The following SMC1B variants were observed in gnomAD, a reference collection of about 807,000 sequenced individuals.
SMC1B encodes the protein structural maintenance of chromosomes protein 1B.
Under a neutral mutation model 157.9 loss-of-function variants are expected in SMC1B, and 60 were observed. That is an observed-to-expected ratio of 0.38 (90% confidence interval 0.31 to 0.47). The LOEUF (loss-of-function observed/expected upper bound fraction) is 0.47. SMC1B is among the 20% of genes least tolerant of loss of function. SMC1B has a pLI of 0.99. For missense variants in SMC1B, 1,165 were observed against 1,426.2 expected (o/e 0.82, Z 2.95); for synonymous variants, 445 against 483.0 (o/e 0.92, Z 1.03).
At chr22:45,351,843 G>T (rs1318049265) in intron 22 of SMC1B, among the ~76,000 whole-genome samples, 1 of 152,198 alleles carries the variant, frequency 6.6e-6, no homozygotes, top group Middle Eastern at 3.4e-3. Context: ...ATAACTTTTT[G>T]TTTCTTGATT....
chr22:45,404,229 G>A (rs953565061), intron 4 of SMC1B, among the ~76,000 whole-genome samples: 12 of 119,378 alleles, frequency 1.0e-4, no homozygotes, highest in African/African-American at 3.3e-4. Context: ...GGCATGAGGC[G>A]CCATGCCTGG....
At chr22:45,352,682 C>CT in intron 21 of SMC1B, 80 bp from the exon 22 acceptor site, 1 of 1,367,058 alleles carries the variant, frequency 7.3e-7, no homozygotes, top group African/African-American at 1.5e-5. Flanking sequence ...GCAAAATATT[C>CT]TATTGGTTAG....
chr22:45,353,099 T>C (rs2086630596), intron 21 of SMC1B, among the ~76,000 whole-genome samples: 1 of 151,920 alleles, frequency 6.6e-6, no homozygotes, highest in Non-Finnish European at 1.5e-5. Context: ...GGTGAAACCC[T>C]GTCTCTACAA....
intron 23 of SMC1B, among the ~76,000 whole-genome samples, chr22:45,346,965 C>T (rs1309683894): frequency 1.3e-5 from 2 of 152,204 alleles, no homozygotes; most frequent in African/African-American, 4.8e-5. Context: ...GAAGTAAGAC[C>T]TAGTACCTGG....
At chr22:45,389,927 A>G in intron 9 of SMC1B, 30 bp from the exon 10 acceptor site, 13 of 1,561,910 alleles carry the variant, frequency 8.3e-6, no homozygotes, top group Non-Finnish European at 1.1e-5. Context: ...GGAGAGAAAA[A>G]CAGATATATT....
intron 6 of SMC1B, 75 bp downstream of exon 6, chr22:45,399,020 T>G (rs2087160032): frequency 7.0e-7 from 1 of 1,432,802 alleles, no homozygotes; most frequent in African/African-American, 1.4e-5. Flanking sequence ...AGAGGTCATC[T>G]TTTAAATTTT....
intron 21 of SMC1B, 57 bp downstream of exon 21, chr22:45,353,921 C>CAA (rs1184241879): frequency 2.5e-6 from 1 of 398,660 alleles, no homozygotes; most frequent in Non-Finnish European, 3.7e-6. Context: ...AAAAAAAAAA[C>CAA]AACCACCACC....
Position 45,349,681 on chromosome 22 carries a change from T to C in SMC1B, c.3495+47A>G, listed in dbSNP as rs578234755. On this transcript the variant is annotated intron_variant, in intron 23 of 24. Coordinates refer to ENST00000357450, the MANE Select transcript of SMC1B (RefSeq NM_148674.5). ...ATTTTCCATTGCTTGCCTCACATGATCCTTGAATTGTAGACAGTCTATTGA... is the reference window on the plus strand; with the variant it reads ...ATTTTCCATTGCTTGCCTCACATGACCCTTGAATTGTAGACAGTCTATTGA... 3.3e-6 allele frequency: 5 copies of C among 1,525,824 alleles called. No individual in the cohort carries two copies. In the African/African-American group the frequency reaches 4.1e-5, roughly 13 times the overall value. 94.5% of individuals were successfully genotyped at this position (1,525,824 alleles called of 1,614,324 possible). A position where few individuals can be genotyped will look rare whatever the true frequency, so the allele number is the denominator to read the frequency against.
chr22:45,354,074 T>C lies in SMC1B; in HGVS notation c.3177A>G (p.Lys1059=). 1 of 1,603,630 alleles carries C rather than the reference T, an allele frequency of 6.2e-7. No homozygotes were observed. Among genetic ancestry groups the C allele is most frequent in the Non-Finnish European group, 8.5e-7 (1 of 1,176,264 alleles). ...RLCRQEFEQV[K]KRRYDLFTQC... ...GGGTGAAAAGATCGTATCTCCTTTT[T>C]TTCACTTGCTCGAACTCTTGCCTAC... The change falls in exon 21 of 25, where the codon AAA becomes AAG. Residue 1059 remains lysine (K), a synonymous_variant. Coordinates refer to ENST00000357450, the MANE Select transcript of SMC1B (RefSeq NM_148674.5).
intron 1 of SMC1B, among the ~76,000 whole-genome samples, chr22:45,410,894 G>A (rs1192145106): frequency 6.6e-6 from 1 of 152,052 alleles, no homozygotes; most frequent in Non-Finnish European, 1.5e-5. Context: ...GGTATGAAAC[G>A]GCTTTTTTGG....
chr22:45,382,995 T>C (rs2086951594), intron 12 of SMC1B, among the ~76,000 whole-genome samples: 2 of 152,050 alleles, frequency 1.3e-5, no homozygotes, highest in African/African-American at 4.8e-5. Flanking sequence ...TAGCTGGGCA[T>C]GGTGGCACAT....
chr22:45,405,911 A>G (rs2087254133), intron 4 of SMC1B, among the ~76,000 whole-genome samples: 1 of 152,252 alleles, frequency 6.6e-6, no homozygotes, highest in South Asian at 2.1e-4. Context: ...GCTGTCTTTT[A>G]TCAAGCTAGA....
intron 12 of SMC1B, among the ~76,000 whole-genome samples, chr22:45,376,806 T>C (rs921557736): frequency 6.6e-6 from 1 of 152,190 alleles, no homozygotes; most frequent in Non-Finnish European, 1.5e-5. Context: ...ATGGCTTTGA[T>C]CCTCATGTTT....
At chr22:45,353,858 G>C (rs1348912991) in intron 21 of SMC1B, 120 bp downstream of exon 21, 1 of 777,808 alleles carries the variant, frequency 1.3e-6, no homozygotes, top group Non-Finnish European at 1.9e-6. Context: ...CCATGAGTGA[G>C]TTGCTCAAAT....
At chr22:45,348,878 A>T (rs923367225) in intron 23 of SMC1B, among the ~76,000 whole-genome samples, 8 of 151,430 alleles carry the variant, frequency 5.3e-5, no homozygotes, top group African/African-American at 1.2e-4. Flanking sequence ...ATTTTTTTAA[A>T]TTTTTTGTAG....
intron 10 of SMC1B, among the ~76,000 whole-genome samples, chr22:45,388,241 A>ATG (rs2087012105): frequency 1.3e-5 from 2 of 152,064 alleles, no homozygotes; most frequent in African/African-American, 2.4e-5. Context: ...TACAACTAAA[A>ATG]TGTGTGTGTG....
intron 16 of SMC1B, 95 bp downstream of exon 16, chr22:45,362,790 C>A: frequency 9.8e-7 from 1 of 1,016,970 alleles, no homozygotes; most frequent in South Asian, 1.5e-5. Context: ...AACCCCTTCA[C>A]TAACAGGACC....
intron 15 of SMC1B, among the ~76,000 whole-genome samples, chr22:45,369,244 C>T (rs1009560484): frequency 6.6e-6 from 1 of 151,918 alleles, no homozygotes. Flanking sequence ...CTACAGGCGC[C>T]TGCCACCATG....
chr22:45,378,455 A>G (rs370962849), intron 12 of SMC1B, among the ~76,000 whole-genome samples: 11 of 152,304 alleles, frequency 7.2e-5, no homozygotes, highest in South Asian at 2.1e-4. Context: ...TTTATTGAGC[A>G]CTTACTGTTC....
Sources: gnomAD v4.1 joint callset for allele counts (sites outside exome capture counted in the v4.1 genomes callset) on GRCh38, gnomAD v4.1.1 for gene constraint, MANE v1.5 for transcripts, NCBI Gene and HGNC (gene_info 2026-07-23, HGNC 2026-07-21) for gene names.